The following SLC10A7 variants were observed in gnomAD, a reference collection of about 807,000 sequenced individuals.
The protein encoded by SLC10A7 is sodium/bile acid cotransporter 7.
In SLC10A7, 29 loss-of-function variants were observed where a neutral mutation model predicts 43.2. That is an observed-to-expected ratio of 0.67 (90% CI 0.50 to 0.92). SLC10A7 has a LOEUF of 0.92. SLC10A7 is among the 40% of genes least tolerant of loss of function. The pLI is 0.00. For synonymous variants in SLC10A7, 152 were observed against 144.8 expected (o/e 1.05, Z -0.35); for missense variants, 295 against 403.2 (o/e 0.73, Z 2.30).
intron 11 of SLC10A7, chr4:146,256,827 T>G (rs1727917596): frequency 3.9e-6 from 6 of 1,530,522 alleles, no homozygotes; most frequent in South Asian, 1.2e-5. Context: ...CATGGATACC[T>G]GGAGGATGGA....
At chr4:146,388,759 A>G (rs1738193315) in intron 5 of SLC10A7, among the ~76,000 whole-genome samples, 1 of 96,308 alleles carries the variant, frequency 1.0e-5, no homozygotes, top group South Asian at 4.7e-4. Context: ...ACTCTGTCAA[A>G]AAACAACAAC....
At chr4:146,392,628 T>C (rs1738524224) in intron 5 of SLC10A7, among the ~76,000 whole-genome samples, 1 of 152,148 alleles carries the variant, frequency 6.6e-6, no homozygotes, top group Non-Finnish European at 1.5e-5. Flanking sequence ...CCTATGAAGA[T>C]GACAATAGCA....
At chr4:146,304,064 A>G (rs1731355050) in intron 7 of SLC10A7, among the ~76,000 whole-genome samples, 1 of 46,982 alleles carries the variant, frequency 2.1e-5, no homozygotes, top group Admixed American at 2.2e-4. Flanking sequence ...ATGATTTCAT[A>G]GAAAACAAAA....
intron 6 of SLC10A7, 107 bp from the exon 7 acceptor site, chr4:146,306,116 G>T (rs2149682108): frequency 1.3e-6 from 1 of 770,628 alleles, no homozygotes; most frequent in South Asian, 3.6e-5. Context: ...CCAAAAATTT[G>T]GTAGCTATCT....
intron 5 of SLC10A7, among the ~76,000 whole-genome samples, chr4:146,372,937 A>C (rs1388725747): frequency 6.6e-6 from 1 of 152,210 alleles, no homozygotes; most frequent in African/African-American, 2.4e-5. Context: ...AGGACAATTT[A>C]AATTTTGATT....
chr4:146,260,172 T>C (rs550058525), intron 10 of SLC10A7, among the ~76,000 whole-genome samples: 131 of 148,274 alleles, frequency 8.8e-4, no homozygotes, highest in African/African-American at 2.5e-3. Flanking sequence ...TCTGTCTTTA[T>C]ACTAACATAA....
chr4:146,410,880 CT>C (rs1208156836), intron 5 of SLC10A7, among the ~76,000 whole-genome samples: 1 of 152,086 alleles, frequency 6.6e-6, no homozygotes, highest in African/African-American at 2.4e-5. Flanking sequence ...GTCACCCAGG[CT>C]GGAGTGCAAT....
intron 5 of SLC10A7, 63 bp downstream of exon 5, chr4:146,442,720 T>C (rs1268458910): frequency 7.0e-6 from 11 of 1,577,562 alleles, no homozygotes; most frequent in Non-Finnish European, 9.4e-6. Flanking sequence ...TTTCACTAAA[T>C]CTTTCATATA....
intron 6 of SLC10A7, among the ~76,000 whole-genome samples, chr4:146,322,963 T>C (rs1732836363): frequency 6.6e-6 from 1 of 152,236 alleles, no homozygotes; most frequent in Admixed American, 6.5e-5. Flanking sequence ...TGCATTTCTC[T>C]GATGGCCAGT....
rs772709682 is a variant in SLC10A7 at position 146,503,881 on chromosome 4, C to T, written c.364G>A (p.Val122Met). 25 of 1,614,196 alleles carry T rather than the reference C, an allele frequency of 1.5e-5. No homozygotes were observed. Among genetic ancestry groups the T allele is most frequent in the Non-Finnish European group, 2.1e-5 (25 of 1,180,018 alleles). ...CCACCAACTGCCTTGGTTAAAATCA[C>T]TGCAGAAGACACAGGCGGAGGCATG... ...GCMPPPVSSA[V>M]ILTKAVGGNE... Residue 122 changes from valine to methionine, a missense_variant, in exon 4 of 12, where the codon GTG (valine) becomes ATG (methionine). Val to Met is a conservative substitution (Grantham distance 21). Transcript: ENST00000335472.
chr4:146,336,773 G>C (rs1175778166), intron 5 of SLC10A7, among the ~76,000 whole-genome samples: 2 of 152,032 alleles, frequency 1.3e-5, no homozygotes, highest in Non-Finnish European at 2.9e-5. Flanking sequence ...ATGCTGAATA[G>C]CAGACAGAAT....
At chr4:146,503,176 T>C (rs1736576332) in intron 4 of SLC10A7, among the ~76,000 whole-genome samples, 1 of 152,188 alleles carries the variant, frequency 6.6e-6, no homozygotes, top group Non-Finnish European at 1.5e-5. Context: ...CATTATATCT[T>C]CCCTCCTTCA....
At chr4:146,325,395 T>C (rs536635789) in intron 6 of SLC10A7, among the ~76,000 whole-genome samples, 1 of 152,326 alleles carries the variant, frequency 6.6e-6, no homozygotes, top group South Asian at 2.1e-4. Flanking sequence ...TCAGAACAGT[T>C]TTTGTTTAGT....
intron 2 of SLC10A7, among the ~76,000 whole-genome samples, chr4:146,515,813 G>A (rs1052324691): frequency 7.3e-5 from 11 of 150,950 alleles, no homozygotes; most frequent in Admixed American, 4.6e-4. Flanking sequence ...AGGAGGCTGA[G>A]GCAGGAGAAT....
At chr4:146,481,304 A>G (rs1286837515) in intron 4 of SLC10A7, among the ~76,000 whole-genome samples, 1 of 152,194 alleles carries the variant, frequency 6.6e-6, no homozygotes, top group African/African-American at 2.4e-5. Flanking sequence ...CCACAGTCCA[A>G]GCTGCTGAAG....
chr4:146,292,878 G>A (rs1730535390), intron 9 of SLC10A7, 51 bp downstream of exon 9: 2 of 1,317,404 alleles, frequency 1.5e-6, no homozygotes, highest in Middle Eastern at 1.9e-4. Context: ...CAAGTAGACC[G>A]CATGATTCCT....
intron 10 of SLC10A7, among the ~76,000 whole-genome samples, chr4:146,281,433 T>A (rs942690846): frequency 1.5e-4 from 21 of 139,798 alleles, no homozygotes; most frequent in South Asian, 2.4e-4. Flanking sequence ...ATCTTCAAAA[T>A]AGAAAAAAAA....
chr4:146,438,885 A>G lies in SLC10A7; in HGVS notation c.435+3898T>C, dbSNP rs116586184. ...ATTTTTTAAAAACTGAAACCTTTTGATGAGGAGCAACATGTGAGTTGCCTG... is the reference window on the plus strand; with the variant it reads ...ATTTTTTAAAAACTGAAACCTTTTGGTGAGGAGCAACATGTGAGTTGCCTG... On this transcript the variant is annotated intron_variant, in intron 5 of 11. Transcript: ENST00000335472. Among the ~76,000 whole-genome samples, 674 of 152,194 alleles carry G rather than the reference A, an allele frequency of 4.4e-3. 2 individuals carry two copies. Among genetic ancestry groups the G allele is most frequent in the African/African-American group, 0.015 (624 of 41,574 alleles).
chr4:146,280,821 C>A (rs1041365839), intron 10 of SLC10A7, among the ~76,000 whole-genome samples: 2 of 151,986 alleles, frequency 1.3e-5, no homozygotes, highest in Non-Finnish European at 2.9e-5. Flanking sequence ...AAGACAGAAG[C>A]CAAATATGAT....
Sources: gnomAD v4.1 joint callset for allele counts (sites outside exome capture counted in the v4.1 genomes callset) on GRCh38, gnomAD v4.1.1 for gene constraint, MANE v1.5 for transcripts, NCBI Gene and HGNC (gene_info 2026-07-23, HGNC 2026-07-21) for gene names.